Variants in SLC45A4 observed in about 807,000 individuals in gnomAD.
SLC45A4 encodes polyamine-transporter SLC45A4.
A neutral mutation model predicts 63.7 loss-of-function variants in SLC45A4; 32 were observed. The ratio of observed to expected loss-of-function variants is 0.50; its 90% confidence interval spans 0.38 to 0.67. The LOEUF (loss-of-function observed/expected upper bound fraction) is 0.67, where lower values mean the gene tolerates loss of function less well. SLC45A4 is among the 30% of genes least tolerant of loss of function. SLC45A4 has a pLI of 0.00. For missense variants in SLC45A4, 1,027 were observed against 1,157.7 expected (o/e 0.89, Z 1.64); for synonymous variants, 535 against 510.0 (o/e 1.05, Z -0.66).
intron 1 of SLC45A4, among the ~76,000 whole-genome samples, chr8:141,294,085 C>G (rs1214396379): frequency 6.6e-6 from 1 of 152,182 alleles, no homozygotes; most frequent in African/African-American, 2.4e-5. Flanking sequence ...CTTGGGCACA[C>G]CACGCTGCAG....
rs2154614015 is a variant in SLC45A4 at position 141,217,078 on chromosome 8, GGGA to G, written c.1729+9_1729+11del. The G allele has an allele frequency of 6.2e-7, 1 of 1,613,130 alleles. No homozygotes were observed. Among genetic ancestry groups the G allele is most frequent in the East Asian group, 2.2e-5 (1 of 44,884 alleles). On this transcript the variant is annotated intron_variant, in intron 6 of 8. Transcript: ENST00000517878. Reference sequence around the variant, plus strand: ...GGGGTGCGAGTGCTGACCTGACTTGGGGAGCTCTTACCTGAACAAATAGCACCA... The same window carrying G: ...GGGGTGCGAGTGCTGACCTGACTTGGGCTCTTACCTGAACAAATAGCACCA...
At chr8:141,284,061 C>A (rs764695857) in intron 1 of SLC45A4, among the ~76,000 whole-genome samples, 1 of 152,220 alleles carries the variant, frequency 6.6e-6, no homozygotes, top group Non-Finnish European at 1.5e-5. Context: ...ATTTTCTCCA[C>A]TGGCTTTCAT....
chr8:141,221,892 G>GT, intron 2 of SLC45A4, 127 bp from the exon 3 acceptor site: 1 of 987,858 alleles, frequency 1.0e-6, no homozygotes, highest in South Asian at 1.7e-5. Flanking sequence ...CCCTGCTCAG[G>GT]TTGTCTCCAC....
At chr8:141,295,640 G>A (rs1323062672) in intron 1 of SLC45A4, among the ~76,000 whole-genome samples, 1 of 152,200 alleles carries the variant, frequency 6.6e-6, no homozygotes, top group Non-Finnish European at 1.5e-5. Flanking sequence ...GGCTCCACAA[G>A]CAACTCCATC....
At chr8:141,304,268 T>TACAC (rs59200665) in intron 1 of SLC45A4, among the ~76,000 whole-genome samples, 9,408 of 150,952 alleles carry the variant, frequency 0.062, 407 homozygotes, top group Middle Eastern at 0.1. Flanking sequence ...GACTCTTAAA[T>TACAC]ACACACACAC....
At chr8:141,292,414 G>T (rs1190816985) in intron 1 of SLC45A4, among the ~76,000 whole-genome samples, 1 of 152,258 alleles carries the variant, frequency 6.6e-6, no homozygotes, top group Admixed American at 6.5e-5. Context: ...ACCCAACAGG[G>T]AACCACACAA....
chr8:141,289,575 G>A (rs1027752446), intron 1 of SLC45A4, among the ~76,000 whole-genome samples: 6 of 152,198 alleles, frequency 3.9e-5, no homozygotes, highest in African/African-American at 9.7e-5. Context: ...TTCCTTGGGC[G>A]GAGAAGAGCC....
Position 141,274,758 on chromosome 8 carries a change from C to T in SLC45A4, c.-400-20129G>A, listed in dbSNP as rs552022548. Among the ~76,000 whole-genome samples, 131 of 152,334 alleles carry T rather than the reference C, an allele frequency of 8.6e-4. 1 individual carries two copies. The highest frequency in any genetic ancestry group is 1.5e-3 in the Non-Finnish European group (103 of 68,036). ...CAGAATGGGTCACCTCTACTACTTG[C>T]TGGATGACATGGCATGGCTGAGCCA... On this transcript the variant is annotated intron_variant, in intron 1 of 8. Transcript: ENST00000517878.
At chr8:141,246,191 C>T (rs1828183253) in intron 2 of SLC45A4, among the ~76,000 whole-genome samples, 1 of 152,128 alleles carries the variant, frequency 6.6e-6, no homozygotes. Flanking sequence ...CCAATGTACC[C>T]AAAGTTATAC....
In SLC45A4 at chr8:141,284,073, T is replaced by C. The variant is rs536419545; in HGVS notation, c.-401+24023A>G. 2.6e-5 allele frequency among the ~76,000 whole-genome samples: 4 copies of C among 152,362 alleles called. No homozygotes were observed. In the South Asian group the frequency reaches 8.3e-4, roughly 32 times the overall value. ...TATATTTTCTCCACTGGCTTTCATG[T>C]ACACATTATGCAATTTGCTTAATGA... is the stretch of plus-strand genomic sequence containing the variant. On this transcript the variant is annotated intron_variant, in intron 1 of 8. Transcript: ENST00000517878.
At chr8:141,212,996 GAA>G (rs1825930915) in intron 7 of SLC45A4, among the ~76,000 whole-genome samples, 1 of 152,238 alleles carries the variant, frequency 6.6e-6, no homozygotes, top group African/African-American at 2.4e-5. Context: ...TGGACCCACG[GAA>G]AGAGTGAGCA....
chr8:141,283,241 T>A (rs1342554002), intron 1 of SLC45A4, among the ~76,000 whole-genome samples: 1 of 152,218 alleles, frequency 6.6e-6, no homozygotes, highest in Non-Finnish European at 1.5e-5. Flanking sequence ...GAGCCCAGGC[T>A]ACGACACCTC....
intron 1 of SLC45A4, among the ~76,000 whole-genome samples, chr8:141,304,556 CA>C (rs61384705): frequency 0.43 from 54,735 of 127,050 alleles, 11,829 homozygotes; most frequent in East Asian, 0.79. Flanking sequence ...AAGACTGTCT[CA>C]AAAAAAAAAA....
At chr8:141,248,072 T>C (rs1297633354) in intron 2 of SLC45A4, among the ~76,000 whole-genome samples, 1 of 152,124 alleles carries the variant, frequency 6.6e-6, no homozygotes, top group Non-Finnish European at 1.5e-5. Flanking sequence ...CATTAAGACT[T>C]CAGGCCCAGG....
intron 2 of SLC45A4, among the ~76,000 whole-genome samples, chr8:141,241,321 C>T (rs1043415936): frequency 2.0e-4 from 30 of 152,168 alleles, no homozygotes. Context: ...TGTTGTTCTC[C>T]AAGAGTTGCT....
chr8:141,218,071 G>T lies in SLC45A4; in HGVS notation c.1569C>A (p.Ile523=). 6.2e-7 allele frequency: 1 copy of T among 1,611,756 alleles called. No homozygotes were observed. The highest frequency in any genetic ancestry group is 1.1e-5 in the South Asian group (1 of 90,942). The change falls in exon 5 of 9, where the codon ATC becomes ATA. Residue 523 remains isoleucine (I), a synonymous_variant. Coordinates refer to ENST00000517878, the MANE Select transcript of SLC45A4 (RefSeq NM_001286646.2). ...AGTCGGTGTAGAACACGGCCTCGGC[G>T]ATGACAGAGAACCAGGTGAGGAGGT... ...LCHLLTWFSV[I]AEAVFYTDFM...
At chr8:141,219,499 G>C in intron 4 of SLC45A4, 151 bp downstream of exon 4, 1 of 1,003,050 alleles carries the variant, frequency 1.0e-6, no homozygotes, top group Admixed American at 3.0e-5. Context: ...GCTGCCCCTG[G>C]TTACCTTCCA....
At chr8:141,306,923 A>G (rs1023170050) in intron 1 of SLC45A4, among the ~76,000 whole-genome samples, 1 of 152,180 alleles carries the variant, frequency 6.6e-6, no homozygotes, top group African/African-American at 2.4e-5. Flanking sequence ...TGGAAAAGAC[A>G]GCCCCCAAAA....
At chr8:141,246,635 G>A (rs184371849) in intron 2 of SLC45A4, among the ~76,000 whole-genome samples, 4 of 152,280 alleles carry the variant, frequency 2.6e-5, no homozygotes, top group Non-Finnish European at 5.9e-5. Context: ...GGCCGTGAAA[G>A]CCAAGGGGTG....
Sources: allele counts gnomAD v4.1 joint callset (sites outside exome capture counted in the v4.1 genomes callset), GRCh38; gene constraint gnomAD v4.1.1; transcripts MANE v1.5; gene names NCBI Gene and HGNC (gene_info 2026-07-23, HGNC 2026-07-21).